Variants in TRIM16 observed in about 807,000 individuals in gnomAD.
The protein encoded by TRIM16 is tripartite motif containing 16, also known as tripartite motif-containing protein 16.
TRIM16 carries 33 observed loss-of-function variants against 50.4 expected under a neutral mutation model. The observed-to-expected ratio is 0.65, with a 90% CI of 0.50 to 0.88. The LOEUF is 0.88. Among genes scored for constraint, TRIM16 ranks in the 40% least tolerant of loss-of-function variants. The pLI is 0.00. For synonymous variants in TRIM16, 229 were observed against 270.7 expected, an observed-to-expected ratio of 0.85 and a Z score of 1.51; for missense variants, 581 against 686.8, an observed-to-expected ratio of 0.85 and a Z score of 1.72.
intron 6 of TRIM16, chr17:15,658,848 G>A (rs910495565): frequency 3.2e-5 from 32 of 985,340 alleles, no homozygotes; most frequent in Non-Finnish European, 3.9e-5. Context: ...GTCACTATCA[G>A]CAAACTGGTC....
At chr17:15,664,029 A>C (rs902670286) in intron 6 of TRIM16, among the ~76,000 whole-genome samples, 10 of 152,220 alleles carry the variant, frequency 6.6e-5, no homozygotes, top group African/African-American at 2.4e-4. Flanking sequence ...TGAAGTTAAC[A>C]CTTGGTTCCG....
At chr17:15,661,651 A>G (rs1022146874) in intron 6 of TRIM16, among the ~76,000 whole-genome samples, 12 of 152,180 alleles carry the variant, frequency 7.9e-5, no homozygotes, top group African/African-American at 2.4e-4. Context: ...ATTGTTTGTT[A>G]GATGAAGCCC....
At position 15,665,230 on chromosome 17, in the gene TRIM16, A is replaced by C. The variant is rs571176945; in HGVS notation, c.-338+11946T>G. On this transcript the variant is annotated intron_variant, in intron 6 of 11. Coordinates refer to ENST00000649191, the MANE Select transcript of TRIM16 (RefSeq NM_001348119.1). ...TTAAGTAGTTTTAAAGAGGCTGTAG[A>C]GGCCGGGCGCAGTGGCTCATGCCTG... is the stretch of plus-strand genomic sequence containing the variant. 2.4e-3 allele frequency among the ~76,000 whole-genome samples: 365 copies of C among 152,276 alleles called. 2 individuals carry two copies. Among genetic ancestry groups the C allele is most frequent in the African/African-American group, 8.2e-3 (342 of 41,568 alleles).
At chr17:15,670,162 G>A (rs1018300148) in intron 6 of TRIM16, among the ~76,000 whole-genome samples, 1 of 152,190 alleles carries the variant, frequency 6.6e-6, no homozygotes, top group Non-Finnish European at 1.5e-5. Flanking sequence ...TTCATAGCTT[G>A]AAGATATTCT....
chr17:15,679,936 C>CA (rs56845789), intron 4 of TRIM16, among the ~76,000 whole-genome samples: 59,618 of 128,352 alleles, frequency 0.46, 13,565 homozygotes, highest in South Asian at 0.54. Context: ...GACTATGTCT[C>CA]AAAAAAAAAA....
chr17:15,663,578 T>C (rs1988342411), intron 6 of TRIM16, among the ~76,000 whole-genome samples: 1 of 152,190 alleles, frequency 6.6e-6, no homozygotes, highest in African/African-American at 2.4e-5. Context: ...ACTGTTGAGC[T>C]GTTAAACTAT....
At chr17:15,678,578 T>C (rs1989045492) in intron 4 of TRIM16, among the ~76,000 whole-genome samples, 1 of 152,204 alleles carries the variant, frequency 6.6e-6, no homozygotes, top group Admixed American at 6.5e-5. Flanking sequence ...AGCCATATGG[T>C]AAAGAGGCTA....
intron 6 of TRIM16, among the ~76,000 whole-genome samples, chr17:15,668,411 GC>G (rs1258721547): frequency 1.3e-5 from 2 of 152,142 alleles, no homozygotes; most frequent in Non-Finnish European, 2.9e-5. Context: ...TCCAAAGAAA[GC>G]TTCAAAAAAT....
rs545297854 is a variant in TRIM16, at chr17:15,658,635, A to G, written c.-337-6689T>C. Among the ~76,000 whole-genome samples, 4 of 152,322 alleles carry G rather than the reference A, an allele frequency of 2.6e-5. No individual in the cohort carries two copies. The East Asian group carries it at 7.7e-4, about 29-fold the overall frequency. ...GAATTAAAGGTCTTATCTTTTCTGAAATAATAGTAATGAGTGTAGGATTGG... is the reference window on the plus strand; with the variant it reads ...GAATTAAAGGTCTTATCTTTTCTGAGATAATAGTAATGAGTGTAGGATTGG... On this transcript the variant is annotated intron_variant, in intron 6 of 11. Transcript: ENST00000649191.
chr17:15,641,215 T>C (rs1228743725), intron 8 of TRIM16, among the ~76,000 whole-genome samples: 1 of 148,006 alleles, frequency 6.8e-6, no homozygotes, highest in Non-Finnish European at 1.5e-5. Context: ...CAAAGGGCAT[T>C]ACTTACCATG....
At chr17:15,664,026 A>C (rs1988365098) in intron 6 of TRIM16, among the ~76,000 whole-genome samples, 1 of 152,224 alleles carries the variant, frequency 6.6e-6, no homozygotes, top group Non-Finnish European at 1.5e-5. Flanking sequence ...AAATGAAGTT[A>C]ACACTTGGTT....
chr17:15,630,085 C>G (rs377385193), intron 11 of TRIM16, among the ~76,000 whole-genome samples: 2 of 152,174 alleles, frequency 1.3e-5, no homozygotes, highest in Admixed American at 6.5e-5. Flanking sequence ...CCAGGCCCCA[C>G]GTCCCTGGTC....
At chr17:15,661,856 G>C (rs534767819) in intron 6 of TRIM16, among the ~76,000 whole-genome samples, 85 of 152,264 alleles carry the variant, frequency 5.6e-4, no homozygotes, top group Non-Finnish European at 1.1e-3. Flanking sequence ...GTGTAGCTAA[G>C]CTTATAATTA....
In TRIM16 at chr17:15,682,932, A is replaced by G; in HGVS notation, c.-757T>C. Reference sequence around the variant, plus strand: ...CTTGCCCAAGTTCTCTGTGCTGCCCACACACATTTTACAAGGTTGCTGTAA... The same window carrying G: ...CTTGCCCAAGTTCTCTGTGCTGCCCGCACACATTTTACAAGGTTGCTGTAA... On this transcript the variant is annotated 5_prime_UTR_variant, in exon 3 of 12. Coordinates refer to ENST00000649191, the MANE Select transcript of TRIM16 (RefSeq NM_001348119.1). 2.0e-6 allele frequency: 3 copies of G among 1,533,244 alleles called. No homozygotes were observed. The highest frequency in any genetic ancestry group is 2.6e-6 in the Non-Finnish European group (3 of 1,139,552). The allele number at this position is 1,533,244 out of a possible 1,614,324, so 95.0% of individuals were successfully genotyped here. A position where few individuals can be genotyped will look rare whatever the true frequency, so the allele number is the denominator to read the frequency against.
chr17:15,663,960 G>C (rs952480280), intron 6 of TRIM16, among the ~76,000 whole-genome samples: 1 of 152,188 alleles, frequency 6.6e-6, no homozygotes, highest in Non-Finnish European at 1.5e-5. Context: ...GTGTGTACAG[G>C]CCCCATGGTG....
At chr17:15,669,597 C>A (rs1988640773) in intron 6 of TRIM16, among the ~76,000 whole-genome samples, 1 of 152,014 alleles carries the variant, frequency 6.6e-6, no homozygotes, top group Non-Finnish European at 1.5e-5. Flanking sequence ...TTGATTCTGT[C>A]ACAAAGAATA....
At chr17:15,648,594 A>G (rs564210508) in intron 7 of TRIM16, among the ~76,000 whole-genome samples, 2 of 152,310 alleles carry the variant, frequency 1.3e-5, no homozygotes, top group South Asian at 4.1e-4. Flanking sequence ...CGCATGACCC[A>G]AAGTGACCTT....
At chr17:15,666,424 C>A (rs878945385) in intron 6 of TRIM16, among the ~76,000 whole-genome samples, 3 of 152,200 alleles carry the variant, frequency 2.0e-5, no homozygotes, top group African/African-American at 7.2e-5. Context: ...CTGAGGTATA[C>A]TTTACATGCA....
intron 10 of TRIM16, chr17:15,632,148 G>A (rs1252923928): frequency 2.3e-5 from 6 of 265,878 alleles, no homozygotes; most frequent in Non-Finnish European, 3.6e-5. Context: ...CAGCACTTTG[G>A]GAGGCTGAGG....
Sources: gnomAD v4.1 joint callset for allele counts (sites outside exome capture counted in the v4.1 genomes callset) on GRCh38, gnomAD v4.1.1 for gene constraint, MANE v1.5 for transcripts, NCBI Gene and HGNC (gene_info 2026-07-23, HGNC 2026-07-21) for gene names.